The following EFHD2 variants were observed in gnomAD, a reference collection of about 807,000 sequenced individuals.
EFHD2 encodes the protein EF-hand domain-containing protein D2.
A neutral mutation model predicts 20.3 loss-of-function variants in EFHD2; 12 were observed. The observed-to-expected ratio is 0.59, with a 90% CI of 0.38 to 0.96. EFHD2 has a LOEUF of 0.96. Ranked by LOEUF, EFHD2 falls within the 40% of genes least tolerant of loss-of-function variation. The pLI, the probability that EFHD2 is intolerant of heterozygous loss-of-function variation, is 0.00. For synonymous variants in EFHD2, 131 were observed against 143.9 expected (o/e 0.91, Z 0.64); for missense variants, 250 against 334.3 (o/e 0.75, Z 1.97).
chr1:15,426,122 T>G lies in EFHD2; in HGVS notation c.456+104T>G. On this transcript the variant is annotated intron_variant, in intron 2 of 3. Coordinates refer to ENST00000375980, the MANE Select transcript of EFHD2 (RefSeq NM_024329.6). The surrounding 1 kb of genome is among the most constrained non-coding windows in gnomAD (Gnocchi z 4.6). ...ACCCTTTGTCAATGAATGAATGACA[T>G]TGCCATTGAACAGCAGCTGTGAGCA... 2 of 1,242,058 alleles carry G rather than the reference T, an allele frequency of 1.6e-6. No homozygotes were observed. The allele number at this position is 1,242,058 out of a possible 1,614,324, so 76.9% of individuals were successfully genotyped here.
intron 1 of EFHD2, among the ~76,000 whole-genome samples, chr1:15,411,245 C>G (rs1430276942): frequency 1.3e-5 from 2 of 151,930 alleles, no homozygotes; most frequent in African/African-American, 4.8e-5. Flanking sequence ...CCACACCCAC[C>G]CTGGTCAAAA....
intron 1 of EFHD2, among the ~76,000 whole-genome samples, chr1:15,422,856 G>A (rs576119244): frequency 3.9e-5 from 6 of 152,208 alleles, no homozygotes; most frequent in South Asian, 2.1e-4. Context: ...GCGAGACTCC[G>A]TCTCAAAAAA....
intron 1 of EFHD2, among the ~76,000 whole-genome samples, chr1:15,419,989 G>T (rs186379881): frequency 2.0e-5 from 3 of 152,158 alleles, no homozygotes; most frequent in Admixed American, 1.3e-4. Flanking sequence ...GCTTTGCGTC[G>T]GGCCTAGTAG....
chr1:15,415,304 C>T (rs1012012004), intron 1 of EFHD2, among the ~76,000 whole-genome samples: 7 of 152,022 alleles, frequency 4.6e-5, no homozygotes, highest in Non-Finnish European at 1.0e-4. Flanking sequence ...CCATGATTAC[C>T]GAAAGCTCTC....
intron 1 of EFHD2, among the ~76,000 whole-genome samples, chr1:15,423,465 C>G (rs894422238): frequency 6.6e-6 from 1 of 152,190 alleles, no homozygotes; most frequent in African/African-American, 2.4e-5. Context: ...TCTGCAGCAG[C>G]CCCAGGACAC....
rs1707426328 is a variant in EFHD2, at chr1:15,409,925, G to A, written c.-47G>A. 4.0e-5 allele frequency: 48 copies of A among 1,206,036 alleles called. No individual in the cohort carries two copies. The highest frequency in any genetic ancestry group is 4.7e-5 in the Non-Finnish European group (46 of 973,224). 74.7% of individuals were successfully genotyped at this position (1,206,036 alleles called of 1,614,324 possible). A position where few individuals can be genotyped will look rare whatever the true frequency, so the allele number is the denominator to read the frequency against. ...GAGGAAGAGCGCGGCCGGCGGCGCT[G>A]CGCTGAGAGCAGGGGCCCGGCCAAG... On this transcript the variant is annotated 5_prime_UTR_variant, in exon 1 of 4. Coordinates refer to ENST00000375980, the MANE Select transcript of EFHD2 (RefSeq NM_024329.6).
At chr1:15,419,616 G>A (rs1707753939) in intron 1 of EFHD2, among the ~76,000 whole-genome samples, 1 of 152,206 alleles carries the variant, frequency 6.6e-6, no homozygotes. Flanking sequence ...TGCCCACTGT[G>A]GGCCCCAGTT....
intron 1 of EFHD2, among the ~76,000 whole-genome samples, chr1:15,415,333 A>T (rs1474335443): frequency 6.6e-6 from 1 of 152,132 alleles, no homozygotes; most frequent in Non-Finnish European, 1.5e-5. Flanking sequence ...CACCATGCTG[A>T]TGTTCTCTTT....
chr1:15,428,934 C>T lies in EFHD2; in HGVS notation c.*210C>T, dbSNP rs940035592. On this transcript the variant is annotated 3_prime_UTR_variant, in exon 4 of 4. Coordinates refer to ENST00000375980, the MANE Select transcript of EFHD2 (RefSeq NM_024329.6). ...ACTCTGCACGAGGCCGCCACACCGG[C>T]GCTGGCTCCCTGCCCGGCCCGGCCC... The T allele has an allele frequency of 2.3e-5, 16 of 682,432 alleles. No individual in the cohort carries two copies. The highest frequency in any genetic ancestry group is 5.7e-5 in the South Asian group (3 of 52,464). The allele number at this position is 682,432 out of a possible 1,614,324, so 42.3% of individuals were successfully genotyped here.
At chr1:15,419,559 T>C (rs1300224471) in intron 1 of EFHD2, among the ~76,000 whole-genome samples, 1 of 152,204 alleles carries the variant, frequency 6.6e-6, no homozygotes, top group African/African-American at 2.4e-5. Context: ...AACTTCCAGC[T>C]GTTGGAATCC....
In EFHD2 at chr1:15,426,259, T is replaced by C. The variant is rs978956771; in HGVS notation, c.456+241T>C. On this transcript the variant is annotated intron_variant, in intron 2 of 3. Transcript: ENST00000375980. The surrounding 1 kb of genome is among the most constrained non-coding windows in gnomAD (Gnocchi z 4.6). Reference sequence around the variant, plus strand: ...AGGGAGGGACAGCCCTTCCTTCACATAGGGAGCATATATTGAGCGATTTCT... The same window carrying C: ...AGGGAGGGACAGCCCTTCCTTCACACAGGGAGCATATATTGAGCGATTTCT... 6.6e-6 allele frequency among the ~76,000 whole-genome samples: 1 copy of C among 152,126 alleles called. No homozygotes were observed. Among genetic ancestry groups the C allele is most frequent in the East Asian group, 1.9e-4 (1 of 5,160 alleles).
intron 1 of EFHD2, among the ~76,000 whole-genome samples, chr1:15,410,726 A>G (rs1707476361): frequency 6.7e-6 from 1 of 149,898 alleles, no homozygotes; most frequent in Non-Finnish European, 1.5e-5. Flanking sequence ...GATCCCAGCT[A>G]CTCGCGTTCC....
chr1:15,425,412 C>T (rs1284223933), intron 1 of EFHD2, among the ~76,000 whole-genome samples: 3 of 151,972 alleles, frequency 2.0e-5, no homozygotes, highest in Non-Finnish European at 4.4e-5. Context: ...GTAGTCCCAG[C>T]TACTCAAGAG....
chr1:15,427,039 C>T (rs1453740343), intron 2 of EFHD2, 111 bp from the exon 3 acceptor site: 23 of 1,430,956 alleles, frequency 1.6e-5, no homozygotes, highest in East Asian at 1.2e-4. Flanking sequence ...CACTGCCCCC[C>T]AGTCCTTCTC....
In EFHD2 at chr1:15,409,904, A is replaced by G; in HGVS notation, c.-68A>G. 3.4e-6 allele frequency: 4 copies of G among 1,191,462 alleles called. No homozygotes were observed. Among genetic ancestry groups the G allele is most frequent in the Non-Finnish European group, 4.2e-6 (4 of 963,310 alleles). The allele number at this position is 1,191,462 out of a possible 1,614,324, so 73.8% of individuals were successfully genotyped here. A position where few individuals can be genotyped will look rare whatever the true frequency, so the allele number is the denominator to read the frequency against. ...TGGCCCGGGGAGTGTCAGGAAGAGG[A>G]AGAGCGCGGCCGGCGGCGCTGCGCT... On this transcript the variant is annotated 5_prime_UTR_variant, in exon 1 of 4. Transcript: ENST00000375980.
rs372270772 is a variant in EFHD2 at position 15,427,212 on chromosome 1, G to T, written c.519G>T (p.Val173=). Residue 173 remains valine, a synonymous_variant, in exon 3 of 4, where the codon GTG becomes GTT. Transcript: ENST00000375980. ...TTCAGGAGGACAGCGGGCTGTGCGT[G>T]CTGGCCCGCCTCTCTGAGATCGACG... ...GELQEDSGLC[V]LARLSEIDVS... 23 of 1,600,818 alleles carry T rather than the reference G, an allele frequency of 1.4e-5. No individual in the cohort carries two copies. In the African/African-American group the frequency reaches 2.9e-4, roughly 20 times the overall value.
At chr1:15,417,785 T>C (rs925062527) in intron 1 of EFHD2, among the ~76,000 whole-genome samples, 2 of 152,254 alleles carry the variant, frequency 1.3e-5, no homozygotes, top group Admixed American at 6.5e-5. Context: ...TGTCCAATTG[T>C]CTGTTCTCCT....
chr1:15,412,981 G>T (rs1707567380), intron 1 of EFHD2, among the ~76,000 whole-genome samples: 1 of 152,180 alleles, frequency 6.6e-6, no homozygotes, highest in South Asian at 2.1e-4. Context: ...AGTGCTGCCT[G>T]CCAGGGCCCG....
At position 15,410,290 on chromosome 1, in the gene EFHD2, GCGCGACCCGGCCCCCCGCCCGCCC is replaced by G. The variant is rs531262080; in HGVS notation, c.308+22_308+45del. ...GAAGATGTTCAAGCAGTAAGTGCCCGCGCGACCCGGCCCCCCGCCCGCCCCGCGACCCGGTCTCGGGCCCCGAAC... is the reference window on the plus strand; with the variant it reads ...GAAGATGTTCAAGCAGTAAGTGCCCGCGCGACCCGGTCTCGGGCCCCGAAC... On this transcript the variant is annotated intron_variant, in intron 1 of 3. Transcript: ENST00000375980. 1,913 of 1,583,762 alleles carry G rather than the reference GCGCGACCCGGCCCCCCGCCCGCCC, an allele frequency of 1.2e-3. 11 individuals carry two copies. Among genetic ancestry groups the G allele is most frequent in the African/African-American group, 0.011 (785 of 71,640 alleles).
Sources: allele counts gnomAD v4.1 joint callset (sites outside exome capture counted in the v4.1 genomes callset), GRCh38; gene constraint gnomAD v4.1.1; non-coding constraint Gnocchi (gnomAD v3.1); transcripts MANE v1.5; gene names NCBI Gene and HGNC (gene_info 2026-07-23, HGNC 2026-07-21).